The following PSD3 variants were observed in gnomAD, a reference collection of about 807,000 sequenced individuals.
PSD3 encodes the protein PH and SEC7 domain-containing protein 3.
Under a neutral mutation model 105.5 loss-of-function variants are expected in PSD3, and 49 were observed. The ratio of observed to expected loss-of-function variants is 0.46; its 90% CI spans 0.37 to 0.59. The LOEUF (loss-of-function observed/expected upper bound fraction) is 0.59, where lower values mean the gene tolerates loss of function less well. Ranked by LOEUF, PSD3 falls within the 20% of genes least tolerant of loss-of-function variation. The pLI is 0.00. For missense variants in PSD3, 1,561 were observed against 1,263.8 expected (o/e 1.24, Z -3.57); for synonymous variants, 557 against 457.8 (o/e 1.22, Z -2.77).
chr8:18,565,861 T>C (rs1801707688), intron 14 of PSD3, among the ~76,000 whole-genome samples: 1 of 152,138 alleles, frequency 6.6e-6, no homozygotes, highest in South Asian at 2.1e-4. Context: ...TTTTTGGTTG[T>C]TAGAACTGGG....
At chr8:18,705,315 C>A (rs1245144952) in intron 9 of PSD3, among the ~76,000 whole-genome samples, 1 of 151,998 alleles carries the variant, frequency 6.6e-6, no homozygotes, top group African/African-American at 2.4e-5. Flanking sequence ...ACTGCTCAAG[C>A]TCAGTAGTTC....
At chr8:18,571,216 C>T (rs1189586451) in intron 14 of PSD3, among the ~76,000 whole-genome samples, 4 of 152,144 alleles carry the variant, frequency 2.6e-5, no homozygotes, top group African/African-American at 9.7e-5. Context: ...AAATCCTACA[C>T]ACGACAAACA....
rs1801366873 is a variant in PSD3, at chr8:18,561,046, A to G, written c.2785-4694T>C. Among the ~76,000 whole-genome samples, 3 of 152,242 alleles carry G rather than the reference A, an allele frequency of 2.0e-5. No homozygotes were observed. In the South Asian group the frequency reaches 6.2e-4, roughly 31 times the overall value. ...CTGTAAGAAGGCTCCTCAAAAAACT[A>G]AAAATGGAATTACCAAATAATCTAG... On this transcript the variant is annotated intron_variant, in intron 14 of 15. Coordinates refer to ENST00000327040, the MANE Select transcript of PSD3 (RefSeq NM_015310.4).
chr8:18,725,196 G>C (rs1270894867), intron 9 of PSD3, among the ~76,000 whole-genome samples: 8 of 152,070 alleles, frequency 5.3e-5, no homozygotes, highest in African/African-American at 1.9e-4. Context: ...CCATCCTTTA[G>C]GTCTAACGCG....
At chr8:18,825,941 T>C (rs1279050722) in intron 4 of PSD3, among the ~76,000 whole-genome samples, 1 of 152,232 alleles carries the variant, frequency 6.6e-6, no homozygotes, top group Admixed American at 6.5e-5. Flanking sequence ...GACACCTGGT[T>C]AAACATTGTT....
At chr8:19,033,882 T>C (rs1247611194) in intron 1 of PSD3, among the ~76,000 whole-genome samples, 1 of 152,114 alleles carries the variant, frequency 6.6e-6, no homozygotes, top group East Asian at 1.9e-4. Flanking sequence ...AAAAGAAAGA[T>C]ACATGAGAAG....
chr8:19,055,616 G>C (rs1349310146), intron 1 of PSD3, among the ~76,000 whole-genome samples: 1 of 152,136 alleles, frequency 6.6e-6, no homozygotes, highest in East Asian at 1.9e-4. Context: ...ACTAAGCTAT[G>C]GTTTTTAAGG....
chr8:19,079,946 G>A (rs1205261014), intron 1 of PSD3, among the ~76,000 whole-genome samples: 1 of 147,542 alleles, frequency 6.8e-6, no homozygotes, highest in Non-Finnish European at 1.5e-5. Flanking sequence ...TTGGAGTGCA[G>A]TGGTGCAATC....
chr8:18,755,705 T>C lies in PSD3; in HGVS notation c.2172+9744A>G, dbSNP rs183672618. Among the ~76,000 whole-genome samples the C allele has an allele frequency of 2.0e-3, 305 of 152,224 alleles. 1 individual carries two copies. The highest frequency in any genetic ancestry group is 2.8e-3 in the Non-Finnish European group (189 of 68,004). ...GGGGGTTAAAAATCTGTTTGTACTC[T>C]TAAGCAGCATCTGTTCTGTTAAAAC... On this transcript the variant is annotated intron_variant, in intron 9 of 15. Transcript: ENST00000327040.
intron 9 of PSD3, among the ~76,000 whole-genome samples, chr8:18,743,102 A>G (rs922767275): frequency 3.3e-5 from 5 of 152,192 alleles, no homozygotes; most frequent in African/African-American, 1.2e-4. Flanking sequence ...TGCTATGCAT[A>G]CTTCTTCAAC....
intron 6 of PSD3, among the ~76,000 whole-genome samples, chr8:18,803,593 G>T (rs945815735): frequency 6.6e-6 from 1 of 152,038 alleles, no homozygotes; most frequent in Admixed American, 6.6e-5. Flanking sequence ...CCATAATGGG[G>T]TATTACTCAG....
intron 9 of PSD3, among the ~76,000 whole-genome samples, chr8:18,695,826 A>C (rs973535538): frequency 6.6e-6 from 1 of 152,248 alleles, no homozygotes; most frequent in African/African-American, 2.4e-5. Context: ...ATGAGTTAAA[A>C]AATGTTGTCT....
intron 1 of PSD3, among the ~76,000 whole-genome samples, chr8:19,033,273 T>C (rs534399604): frequency 6.6e-6 from 1 of 152,228 alleles, no homozygotes; most frequent in African/African-American, 2.4e-5. Flanking sequence ...ACTTTAATTT[T>C]TTTCACATGG....
intron 8 of PSD3, among the ~76,000 whole-genome samples, chr8:18,778,048 T>C (rs1260509360): frequency 6.6e-6 from 1 of 152,360 alleles, no homozygotes; most frequent in African/African-American, 2.4e-5. Flanking sequence ...CATAAGTTGA[T>C]GGACACAGAT....
chr8:18,864,201 C>A (rs764463972), intron 4 of PSD3, among the ~76,000 whole-genome samples: 6 of 152,218 alleles, frequency 3.9e-5, no homozygotes, highest in Non-Finnish European at 8.8e-5. Context: ...TCCAGTTCAG[C>A]ATAGCTCAGT....
intron 4 of PSD3, among the ~76,000 whole-genome samples, chr8:18,847,516 T>G (rs185688166): frequency 6.6e-6 from 1 of 152,316 alleles, no homozygotes; most frequent in African/African-American, 2.4e-5. Flanking sequence ...TCCTCGTTGT[T>G]TTCAATTTGT....
At chr8:18,587,241 G>A (rs1314910426) in intron 12 of PSD3, among the ~76,000 whole-genome samples, 1 of 152,096 alleles carries the variant, frequency 6.6e-6, no homozygotes, top group Non-Finnish European at 1.5e-5. Flanking sequence ...TTAGCATGGG[G>A]GACACTATGC....
intron 10 of PSD3, among the ~76,000 whole-genome samples, chr8:18,648,276 G>A (rs1808205171): frequency 6.6e-6 from 1 of 152,194 alleles, no homozygotes; most frequent in Non-Finnish European, 1.5e-5. Flanking sequence ...TGACCAAAAT[G>A]CTGATAGTGA....
intron 2 of PSD3, among the ~76,000 whole-genome samples, chr8:18,934,558 C>G (rs974790050): frequency 2.6e-5 from 4 of 152,138 alleles, no homozygotes; most frequent in African/African-American, 9.7e-5. Flanking sequence ...CTACAGGCAC[C>G]TGCCACCGCG....
Sources: allele counts gnomAD v4.1 joint callset (sites outside exome capture counted in the v4.1 genomes callset), GRCh38; gene constraint gnomAD v4.1.1; transcripts MANE v1.5; gene names NCBI Gene and HGNC (gene_info 2026-07-23, HGNC 2026-07-21).